The following TBC1D22A variants were observed in gnomAD, a reference collection of about 807,000 sequenced individuals.
TBC1D22A encodes putative GTPase activator.
A neutral mutation model predicts 60.2 loss-of-function variants in TBC1D22A; 38 were observed. The observed-to-expected ratio is 0.63, with a 90% CI of 0.49 to 0.83. The LOEUF (loss-of-function observed/expected upper bound fraction) is 0.83, where lower values mean the gene tolerates loss of function less well. TBC1D22A is among the 40% of genes least tolerant of loss of function. The pLI, the probability that TBC1D22A is intolerant of heterozygous loss-of-function variation, is 0.00. For missense variants in TBC1D22A, 628 were observed against 701.0 expected, an observed-to-expected ratio of 0.90 and a Z score of 1.18; for synonymous variants, 302 against 281.7, an observed-to-expected ratio of 1.07 and a Z score of -0.72.
At chr22:46,865,928 T>G (rs988993839) in intron 4 of TBC1D22A, among the ~76,000 whole-genome samples, 1 of 152,204 alleles carries the variant, frequency 6.6e-6, no homozygotes, top group African/African-American at 2.4e-5. Context: ...GAAACTGGAC[T>G]GTGGTGTAAG....
intron 11 of TBC1D22A, among the ~76,000 whole-genome samples, chr22:47,109,874 T>G (rs1228264164): frequency 6.6e-6 from 1 of 152,094 alleles, no homozygotes; most frequent in Non-Finnish European, 1.5e-5. Context: ...TAGCCCCTCT[T>G]GAATTTCTGA....
chr22:47,085,009 GTGGCT>G (rs1403061452), intron 11 of TBC1D22A, among the ~76,000 whole-genome samples: 1 of 152,186 alleles, frequency 6.6e-6, no homozygotes, highest in Non-Finnish European at 1.5e-5. Flanking sequence ...GCCAGGCATG[GTGGCT>G]CACACCTGTA....
intron 11 of TBC1D22A, among the ~76,000 whole-genome samples, chr22:47,082,591 A>C (rs764010900): frequency 1.1e-4 from 17 of 152,268 alleles, no homozygotes; most frequent in Non-Finnish European, 1.5e-4. Context: ...ACTGCACAGC[A>C]GAAGATATTC....
chr22:47,124,638 C>T (rs1012832066), intron 12 of TBC1D22A, among the ~76,000 whole-genome samples: 1 of 152,198 alleles, frequency 6.6e-6, no homozygotes, highest in East Asian at 1.9e-4. Context: ...ACAGGTGGCA[C>T]CGAGGGGCAT....
At chr22:46,952,299 G>T (rs1048273092) in intron 8 of TBC1D22A, among the ~76,000 whole-genome samples, 1 of 103,308 alleles carries the variant, frequency 9.7e-6, no homozygotes, top group East Asian at 3.2e-4. Flanking sequence ...TGTGTGTGCC[G>T]CTTGTCCTCC....
rs140964993 is a variant in TBC1D22A at position 47,052,936 on chromosome 22, C to G, written c.1329+15738C>G. On this transcript the variant is annotated intron_variant, in intron 11 of 12. Transcript: ENST00000337137. ...ATGGTCTTGGGGTCTTGGTGTAAAC[C>G]TGGATGCCACGCAGCTGTGACATGC... Among the ~76,000 whole-genome samples the G allele has an allele frequency of 2.8e-3, 422 of 152,350 alleles. 2 individuals are homozygous for G. Among genetic ancestry groups the G allele is most frequent in the African/African-American group, 9.7e-3 (403 of 41,590 alleles).
intron 11 of TBC1D22A, among the ~76,000 whole-genome samples, chr22:47,103,768 AT>A (rs199874343): frequency 9.2e-5 from 14 of 151,610 alleles, no homozygotes; most frequent in South Asian, 2.1e-4. Flanking sequence ...CTAAGCTCTG[AT>A]TTTTTTTTAT....
At chr22:46,972,144 A>G (rs1285247129) in intron 8 of TBC1D22A, among the ~76,000 whole-genome samples, 7 of 152,220 alleles carry the variant, frequency 4.6e-5, no homozygotes, top group Admixed American at 3.9e-4. Context: ...TATGCTGTGG[A>G]CAATGGTGTC....
intron 9 of TBC1D22A, among the ~76,000 whole-genome samples, chr22:46,986,911 C>A (rs998652336): frequency 6.6e-6 from 1 of 152,138 alleles, no homozygotes; most frequent in Non-Finnish European, 1.5e-5. Flanking sequence ...CAGGTGGTGG[C>A]TGGAAGCATC....
chr22:47,026,240 G>A (rs2062253664), intron 10 of TBC1D22A, among the ~76,000 whole-genome samples: 2 of 152,210 alleles, frequency 1.3e-5, no homozygotes, highest in South Asian at 4.1e-4. Flanking sequence ...GCTGGATAAA[G>A]AGCATGTTCG....
rs920255349 is a variant in TBC1D22A, at chr22:47,028,951, C to T, written c.1202-8120C>T. ...TTAACAAGAGCACCCTCACTTCAGA[C>T]TCCAGCTGCACCTCAGTGGTCCCCA... On this transcript the variant is annotated intron_variant, in intron 10 of 12. Coordinates refer to ENST00000337137, the MANE Select transcript of TBC1D22A (RefSeq NM_014346.5). The surrounding 1 kb of genome is among the most constrained non-coding windows in gnomAD (Gnocchi z 4.4). Among the ~76,000 whole-genome samples the T allele has an allele frequency of 2.6e-5, 4 of 152,198 alleles. No individual in the cohort carries two copies. The highest frequency in any genetic ancestry group is 5.9e-5 in the Non-Finnish European group (4 of 68,034).
At chr22:46,852,254 T>G (rs1180276607) in intron 4 of TBC1D22A, among the ~76,000 whole-genome samples, 4 of 152,202 alleles carry the variant, frequency 2.6e-5, no homozygotes, top group African/African-American at 9.7e-5. Flanking sequence ...TTGAAGCTCT[T>G]TGGAGGCTCC....
chr22:46,872,590 G>A (rs1260497430), intron 4 of TBC1D22A, among the ~76,000 whole-genome samples: 1 of 152,196 alleles, frequency 6.6e-6, no homozygotes, highest in Non-Finnish European at 1.5e-5. Flanking sequence ...GATAAGTAAG[G>A]TGAACTTTAT....
chr22:46,878,702 A>T lies in TBC1D22A; in HGVS notation c.687A>T (p.Pro229=). 1 of 1,613,110 alleles carries T rather than the reference A, an allele frequency of 6.2e-7. No homozygotes were observed. The highest frequency in any genetic ancestry group is 1.1e-5 in the South Asian group (1 of 91,088). ...SWSGIPKPVR[P]MTWKLLSGYL... ...CCGGAATCCCTAAGCCAGTGCGTCC[A>T]ATGACGTGGAAGCTCCTCTCAGTAA... The change falls in exon 5 of 13, where the codon CCA becomes CCT. Residue 229 remains proline (P), a synonymous_variant. Transcript: ENST00000337137.
chr22:47,161,994 C>T (rs930283740), intron 12 of TBC1D22A, among the ~76,000 whole-genome samples: 2 of 152,222 alleles, frequency 1.3e-5, no homozygotes, highest in Non-Finnish European at 2.9e-5. Flanking sequence ...CTCCTCGCTC[C>T]GGACACCTCT....
intron 5 of TBC1D22A, among the ~76,000 whole-genome samples, chr22:46,883,695 C>T (rs1387054092): frequency 6.6e-6 from 1 of 152,244 alleles, no homozygotes. Context: ...ATCACCCCTG[C>T]TGGCCCACGC....
At chr22:47,131,655 C>CATTCCTG (rs2066682116) in intron 12 of TBC1D22A, among the ~76,000 whole-genome samples, 1 of 152,350 alleles carries the variant, frequency 6.6e-6, no homozygotes, top group Admixed American at 6.5e-5. Context: ...ATGTCAAGGC[C>CATTCCTG]ATTCCTGCTG....
intron 11 of TBC1D22A, among the ~76,000 whole-genome samples, chr22:47,089,570 G>A (rs1029443451): frequency 4.6e-5 from 7 of 152,236 alleles, no homozygotes; most frequent in Admixed American, 1.3e-4. Flanking sequence ...GGGTGAGCTC[G>A]TGTGGGAGGA....
intron 12 of TBC1D22A, among the ~76,000 whole-genome samples, chr22:47,135,072 C>T (rs1463648530): frequency 6.6e-6 from 1 of 152,240 alleles, no homozygotes; most frequent in African/African-American, 2.4e-5. Context: ...CGCCCCAGTC[C>T]CCAGCTGGGA....
Sources: allele counts gnomAD v4.1 joint callset (sites outside exome capture counted in the v4.1 genomes callset), GRCh38; gene constraint gnomAD v4.1.1; non-coding constraint Gnocchi (gnomAD v3.1); transcripts MANE v1.5; gene names NCBI Gene and HGNC (gene_info 2026-07-23, HGNC 2026-07-21).